CPED1: variants seen among roughly 807,000 people sequenced by gnomAD.
The protein encoded by CPED1 is cadherin-like and PC-esterase domain-containing protein 1.
CPED1 carries 114 observed loss-of-function variants against 128.2 expected under a neutral mutation model. The ratio of observed to expected loss-of-function variants is 0.89; its 90% CI spans 0.76 to 1.04. The LOEUF (loss-of-function observed/expected upper bound fraction) is 1.04, where lower values mean the gene tolerates loss of function less well. Ranked by LOEUF, CPED1 falls within the 50% of genes least tolerant of loss-of-function variation. The pLI, the probability that CPED1 is intolerant of heterozygous loss-of-function variation, is 0.00. For synonymous variants in CPED1, 462 were observed against 426.7 expected (o/e 1.08, Z -1.02); for missense variants, 1,211 against 1,207.1 (o/e 1.00, Z -0.05).
chr7:121,067,700 C>G (rs1452096664), intron 5 of CPED1, among the ~76,000 whole-genome samples: 1 of 152,186 alleles, frequency 6.6e-6, no homozygotes, highest in African/African-American at 2.4e-5. Context: ...CTGACTTCCA[C>G]AATGGTTGAA....
chr7:121,014,010 C>A (rs1450363951), intron 2 of CPED1, among the ~76,000 whole-genome samples: 2 of 152,098 alleles, frequency 1.3e-5, no homozygotes, highest in East Asian at 3.9e-4. Flanking sequence ...AATTTCCTTT[C>A]GTGAGTGCTA....
chr7:120,997,988 A>G (rs1796439276), intron 2 of CPED1, among the ~76,000 whole-genome samples: 1 of 151,790 alleles, frequency 6.6e-6, no homozygotes, highest in Non-Finnish European at 1.5e-5. Flanking sequence ...AAAAAATAAA[A>G]AGAAGAGGAC....
At chr7:121,203,566 T>C (rs951322361) in intron 16 of CPED1, among the ~76,000 whole-genome samples, 1 of 152,074 alleles carries the variant, frequency 6.6e-6, no homozygotes, top group Non-Finnish European at 1.5e-5. Flanking sequence ...GTGGGCCTTT[T>C]CCTTAGTTAG....
At chr7:121,290,200 T>A (rs529821173) in intron 22 of CPED1, among the ~76,000 whole-genome samples, 4 of 152,356 alleles carry the variant, frequency 2.6e-5, no homozygotes, top group African/African-American at 9.6e-5. Flanking sequence ...CCTCATCCAG[T>A]CTAACATTGA....
intron 2 of CPED1, among the ~76,000 whole-genome samples, chr7:120,992,895 A>G (rs897860451): frequency 1.3e-5 from 2 of 152,204 alleles, no homozygotes; most frequent in African/African-American, 2.4e-5. Context: ...ACTTTTACAC[A>G]TGGGATCTGG....
In CPED1 at chr7:121,150,856, C is replaced by T. The variant is rs554732288; in HGVS notation, c.2055+8715C>T. Among the ~76,000 whole-genome samples the T allele has an allele frequency of 8.8e-4, 134 of 152,218 alleles. 1 individual carries two copies. Among genetic ancestry groups the T allele is most frequent in the Non-Finnish European group, 1.6e-3 (108 of 68,012 alleles). On this transcript the variant is annotated intron_variant, in intron 16 of 22. Transcript: ENST00000310396. Reference sequence around the variant, plus strand: ...CAGTCTTGGCTCACTGCAACCTCCACCTCCTGGGGTCAAGCGATTCTCCTG... The same window carrying T: ...CAGTCTTGGCTCACTGCAACCTCCATCTCCTGGGGTCAAGCGATTCTCCTG...
intron 16 of CPED1, among the ~76,000 whole-genome samples, chr7:121,216,004 A>T (rs1303141458): frequency 6.6e-6 from 1 of 152,034 alleles, no homozygotes; most frequent in Non-Finnish European, 1.5e-5. Context: ...AGACTAAGCA[A>T]CTTGCCCAAG....
chr7:121,178,599 G>A (rs900595032), intron 16 of CPED1, among the ~76,000 whole-genome samples: 2 of 152,016 alleles, frequency 1.3e-5, no homozygotes, highest in African/African-American at 4.8e-5. Flanking sequence ...ACACTACAAT[G>A]GCAAAGTACA....
intron 22 of CPED1, among the ~76,000 whole-genome samples, chr7:121,286,890 A>C (rs1009174918): frequency 1.3e-5 from 2 of 152,212 alleles, no homozygotes; most frequent in Non-Finnish European, 2.9e-5. Flanking sequence ...ATAGTTCAGC[A>C]TGGCTGAGGA....
chr7:121,280,410 T>C (rs1792438537), intron 22 of CPED1, among the ~76,000 whole-genome samples: 1 of 152,128 alleles, frequency 6.6e-6, no homozygotes. Context: ...AGAGCAGAAT[T>C]TGTTCCCAGA....
intron 22 of CPED1, among the ~76,000 whole-genome samples, chr7:121,274,210 ACAGCATCAAC>A (rs1329098876): frequency 1.3e-5 from 2 of 152,122 alleles, no homozygotes; most frequent in African/African-American, 4.8e-5. Context: ...GTATCATACC[ACAGCATCAAC>A]CAGTTCACAT....
intron 16 of CPED1, among the ~76,000 whole-genome samples, chr7:121,144,590 A>G (rs1451073695): frequency 6.6e-6 from 1 of 151,940 alleles, no homozygotes; most frequent in Non-Finnish European, 1.5e-5. Context: ...ACACCAATAG[A>G]AGGAATAAGG....
intron 16 of CPED1, among the ~76,000 whole-genome samples, chr7:121,173,371 C>T (rs1796698320): frequency 6.6e-6 from 1 of 151,910 alleles, no homozygotes; most frequent in East Asian, 1.9e-4. Context: ...CCTTTGTACC[C>T]GATAGTTATC....
chr7:121,156,795 TA>T (rs141337957), intron 16 of CPED1, among the ~76,000 whole-genome samples: 1 of 152,078 alleles, frequency 6.6e-6, no homozygotes, highest in African/African-American at 2.4e-5. Flanking sequence ...TTTGTCTAAA[TA>T]AAAAAATTAA....
At chr7:121,128,317 TAATTGGGTTG>T (rs1351832217) in intron 10 of CPED1, 55 bp from the exon 11 acceptor site, 24 of 818,138 alleles carry the variant, frequency 2.9e-5, no homozygotes, top group African/African-American at 1.2e-4. Flanking sequence ...AAATGGGAGG[TAATTGGGTTG>T]AACATGGTTT....
At chr7:121,001,198 CA>C (rs1791846552) in intron 2 of CPED1, among the ~76,000 whole-genome samples, 1 of 152,168 alleles carries the variant, frequency 6.6e-6, no homozygotes, top group South Asian at 2.1e-4. Flanking sequence ...CAAATGCAAG[CA>C]TATTCCACGG....
intron 14 of CPED1, among the ~76,000 whole-genome samples, 170 bp downstream of exon 14, chr7:121,136,260 C>T (rs1420568373): frequency 1.3e-5 from 2 of 151,966 alleles, no homozygotes; most frequent in Admixed American, 1.3e-4. Context: ...ATCACTTTTG[C>T]ATAAGAACAT....
rs1383667306 is a variant in CPED1 at position 121,125,821 on chromosome 7, T to A, written c.1063T>A (p.Cys355Ser). 1 of 1,609,938 alleles carries A rather than the reference T, an allele frequency of 6.2e-7. No individual in the cohort carries two copies. Among genetic ancestry groups the A allele is most frequent in the Non-Finnish European group, 8.5e-7 (1 of 1,176,644 alleles). Reference sequence around the variant, plus strand: ...TGGTACCTTGTGTTTTCATTTTAGATGCAGATTCTGCTTTCAACTTCTAAC... The same window carrying A: ...TGGTACCTTGTGTTTTCATTTTAGAAGCAGATTCTGCTTTCAACTTCTAAC... The part of the protein sequence containing the change: ...STLGPKTFHR[C>S]RFCFQLLTFD... The change falls in exon 9 of 23, where the codon TGC (cysteine) becomes AGC (serine). Residue 355 changes from cysteine (C) to serine (S), a missense_variant and splice_region_variant. Cys to Ser is a moderately radical substitution (Grantham distance 112). Coordinates refer to ENST00000310396, the MANE Select transcript of CPED1 (RefSeq NM_024913.5).
chr7:121,166,246 A>C (rs1796523147), intron 16 of CPED1, among the ~76,000 whole-genome samples: 1 of 152,200 alleles, frequency 6.6e-6, no homozygotes, highest in Non-Finnish European at 1.5e-5. Context: ...TTTATCGCTT[A>C]TTACCACAAT....
Sources: allele counts gnomAD v4.1 joint callset (sites outside exome capture counted in the v4.1 genomes callset), GRCh38; gene constraint gnomAD v4.1.1; transcripts MANE v1.5; gene names NCBI Gene and HGNC (gene_info 2026-07-23, HGNC 2026-07-21).